Variants in BPTF observed in about 807,000 individuals in gnomAD.
The protein encoded by BPTF is nucleosome-remodeling factor subunit BPTF.
A neutral mutation model predicts 292.5 loss-of-function variants in BPTF; 18 were observed. The ratio of observed to expected loss-of-function variants is 0.06; its 90% CI spans 0.04 to 0.09. The LOEUF (loss-of-function observed/expected upper bound fraction) is 0.09, where lower values mean the gene tolerates loss of function less well. Ranked by LOEUF, BPTF falls within the 10% of genes least tolerant of loss-of-function variation. The probability of loss-of-function intolerance (pLI) is 1.00; values close to 1 mark genes in which losing one functional copy is unlikely to be tolerated. For synonymous variants in BPTF, 1,225 were observed against 1,251.9 expected, an observed-to-expected ratio of 0.98 and a Z score of 0.45; for missense variants, 2,726 against 3,498.7, an observed-to-expected ratio of 0.78 and a Z score of 5.57.
chr17:67,910,913 C>A lies in BPTF; in HGVS notation c.3029C>A (p.Pro1010His). Residue 1010 changes from proline to histidine, a missense_variant, in exon 11 of 28, where the codon CCC (proline) becomes CAC (histidine). Coordinates refer to ENST00000306378, the MANE Select transcript of BPTF (RefSeq NM_182641.4). ...CTCTTAGATTCTGACAGTGATAAAC[C>A]CTGCAAGGAAGAACCAATGGAAGTA... ...KELLDSDSDK[P>H]CKEEPMEVDD... 1.2e-6 allele frequency: 2 copies of A among 1,611,248 alleles called. No homozygotes were observed. Among genetic ancestry groups the A allele is most frequent in the African/African-American group, 1.3e-5 (1 of 74,822 alleles).
intron 23 of BPTF, among the ~76,000 whole-genome samples, chr17:67,949,723 C>T (rs764169411): frequency 7.3e-5 from 11 of 151,296 alleles, no homozygotes; most frequent in Admixed American, 5.9e-4. Context: ...ATATAATTTA[C>T]ACATAATTAC....
intron 4 of BPTF, among the ~76,000 whole-genome samples, chr17:67,879,022 ATGTCAGTCTTTAGTATCAGGAATATTT>A (rs201250221): frequency 1.6e-4 from 12 of 76,764 alleles, no homozygotes; most frequent in Non-Finnish European, 2.5e-4. Context: ...TTCTCTGATA[ATGTCAGTCTTTAGTATCAGGAATATTT>A]TGTCAGTCTT....
At chr17:67,942,948 C>T (rs1555672664) in intron 19 of BPTF, among the ~76,000 whole-genome samples, 1 of 152,136 alleles carries the variant, frequency 6.6e-6, no homozygotes, top group Non-Finnish European at 1.5e-5. Flanking sequence ...TACAGGGCTG[C>T]TGCATTGCCT....
chr17:67,842,914 C>T (rs1231860177), intron 1 of BPTF, among the ~76,000 whole-genome samples: 6 of 149,082 alleles, frequency 4.0e-5, no homozygotes, highest in Admixed American at 6.7e-5. Context: ...AAAAGAAGGT[C>T]TTTAGGCCAA....
Position 67,911,542 on chromosome 17 carries a change from C to T in BPTF, c.3658C>T (p.Leu1220=). 1 of 1,613,980 alleles carries T rather than the reference C, an allele frequency of 6.2e-7. No homozygotes were observed. The highest frequency in any genetic ancestry group is 8.5e-7 in the Non-Finnish European group (1 of 1,179,992). The part of the protein sequence containing the change: ...GNDFFIDDSK[L]ASADDIGTLI... Reference sequence around the variant, plus strand: ...TGATTTTTTCATCGATGACTCTAAACTAGCCAGTGCAGATGATATTGGTAC... The same window carrying T: ...TGATTTTTTCATCGATGACTCTAAATTAGCCAGTGCAGATGATATTGGTAC... Residue 1220 remains leucine (L), a synonymous_variant, in exon 11 of 28, where the codon CTA becomes TTA. Transcript: ENST00000306378.
At chr17:67,879,856 C>T (rs961822930) in intron 4 of BPTF, among the ~76,000 whole-genome samples, 20 of 152,200 alleles carry the variant, frequency 1.3e-4, no homozygotes, top group African/African-American at 4.3e-4. Flanking sequence ...ACACCCAACC[C>T]GAGAGCATTA....
intron 27 of BPTF, 145 bp downstream of exon 27, chr17:67,976,103 G>T: frequency 3.4e-6 from 2 of 590,864 alleles, no homozygotes; most frequent in African/African-American, 1.9e-5. Flanking sequence ...AAGACTCCAG[G>T]GTTATGATCT....
At position 67,948,007 on chromosome 17, in the gene BPTF, G is replaced by T. The variant is rs533935069; in HGVS notation, c.7701-74G>T. On this transcript the variant is annotated intron_variant, in intron 22 of 27. Coordinates refer to ENST00000306378, the MANE Select transcript of BPTF (RefSeq NM_182641.4). ...GAAAGTTTTTGTCTCATCTGTAGAG[G>T]CATAGAAGAATGATGTCTTAAGCCT... is the stretch of plus-strand genomic sequence containing the variant. 14 of 1,436,142 alleles carry T rather than the reference G, an allele frequency of 9.7e-6. No individual in the cohort carries two copies. In the East Asian group the frequency reaches 2.5e-4, roughly 26 times the overall value. 89.0% of individuals were successfully genotyped at this position (1,436,142 alleles called of 1,614,324 possible). A position where few individuals can be genotyped will look rare whatever the true frequency, so the allele number is the denominator to read the frequency against.
chr17:67,828,155 C>G (rs1254480962), intron 1 of BPTF, among the ~76,000 whole-genome samples: 2 of 152,206 alleles, frequency 1.3e-5, no homozygotes, highest in East Asian at 3.9e-4. Flanking sequence ...TGGTCTCGAA[C>G]TCTTGACCTC....
At chr17:67,857,120 C>G (rs2058735372) in intron 2 of BPTF, among the ~76,000 whole-genome samples, 1 of 143,506 alleles carries the variant, frequency 7.0e-6, no homozygotes, top group African/African-American at 2.5e-5. Flanking sequence ...GTCTCCCCTA[C>G]TTTATCCTTA....
chr17:67,825,939 G>C lies in BPTF; in HGVS notation c.215G>C (p.Ser72Thr). Reference sequence around the variant, plus strand: ...CTGAGCTCGCCCAGGGGGGGCAGCAGTAGCCGGAGGAAGCCGCCGCCGCCG... The same window carrying C: ...CTGAGCTCGCCCAGGGGGGGCAGCACTAGCCGGAGGAAGCCGCCGCCGCCG... ...TRLSSPRGGS[S>T]SRRKPPPPPP... Residue 72 changes from serine to threonine, a missense_variant, in exon 1 of 28, where the codon AGT becomes ACT. Around this residue, in one of 22 missense-constraint regions of BPTF, gnomAD observed 103 missense variants for 72.1 expected, o/e 1.43. Coordinates refer to ENST00000306378, the MANE Select transcript of BPTF (RefSeq NM_182641.4). 9.9e-7 allele frequency: 1 copy of C among 1,014,286 alleles called. No homozygotes were observed. The highest frequency in any genetic ancestry group is 4.5e-5 in the South Asian group (1 of 22,412). 62.8% of individuals were successfully genotyped at this position (1,014,286 alleles called of 1,614,324 possible). A position where few individuals can be genotyped will look rare whatever the true frequency, so the allele number is the denominator to read the frequency against.
intron 15 of BPTF, among the ~76,000 whole-genome samples, chr17:67,925,404 C>T (rs1179145093): frequency 1.3e-5 from 2 of 152,112 alleles, no homozygotes; most frequent in East Asian, 3.8e-4. Flanking sequence ...TGGCTCATGC[C>T]TGTAGTCCCA....
intron 24 of BPTF, among the ~76,000 whole-genome samples, chr17:67,961,867 G>A (rs1356556852): frequency 6.6e-6 from 1 of 152,060 alleles, no homozygotes. Flanking sequence ...CCAGCTACTC[G>A]GGAGGCCGAG....
chr17:67,867,312 T>A (rs779258634), intron 3 of BPTF, among the ~76,000 whole-genome samples: 8 of 152,272 alleles, frequency 5.3e-5, no homozygotes, highest in Non-Finnish European at 5.9e-5. Flanking sequence ...AGAAATAATA[T>A]TCTTTTTGAA....
rs782376638 is a variant in BPTF, at chr17:67,982,164, G to A, written c.8727-88G>A. Reference sequence around the variant, plus strand: ...TGAAAGAACATGGCTGCTTCTCCCAGACTGACTGACCTTGGCATCCGCATA... The same window carrying A: ...TGAAAGAACATGGCTGCTTCTCCCAAACTGACTGACCTTGGCATCCGCATA... On this transcript the variant is annotated intron_variant, in intron 27 of 27. Transcript: ENST00000306378. 39 of 1,210,702 alleles carry A rather than the reference G, an allele frequency of 3.2e-5. No homozygotes were observed. In the Admixed American group the frequency reaches 4.6e-4, roughly 14 times the overall value. 75.0% of individuals were successfully genotyped at this position (1,210,702 alleles called of 1,614,324 possible).
chr17:67,863,389 A>T (rs1421299113), intron 2 of BPTF, among the ~76,000 whole-genome samples: 2 of 152,054 alleles, frequency 1.3e-5, no homozygotes, highest in Non-Finnish European at 2.9e-5. Flanking sequence ...GGTTCAAGTG[A>T]TTCTCCTGCC....
intron 17 of BPTF, among the ~76,000 whole-genome samples, chr17:67,931,125 T>C (rs1236397858): frequency 6.6e-6 from 1 of 151,850 alleles, no homozygotes; most frequent in Non-Finnish European, 1.5e-5. Context: ...ATTAGCTGGG[T>C]GTGGTGGCAC....
At chr17:67,942,042 G>A (rs1555672156) in intron 19 of BPTF, among the ~76,000 whole-genome samples, 1 of 152,246 alleles carries the variant, frequency 6.6e-6, no homozygotes, top group Non-Finnish European at 1.5e-5. Context: ...GCTCACACCT[G>A]TAATCCCAGC....
chr17:67,872,592 G>T (rs188238107), intron 3 of BPTF, among the ~76,000 whole-genome samples: 22 of 152,050 alleles, frequency 1.4e-4, no homozygotes, highest in African/African-American at 5.3e-4. Context: ...TATAGTCTCA[G>T]CTACTTGGGA....
Sources: allele counts gnomAD v4.1 joint callset (sites outside exome capture counted in the v4.1 genomes callset), GRCh38; gene constraint gnomAD v4.1.1; regional missense constraint gnomAD v4.1.1; transcripts MANE v1.5; gene names NCBI Gene and HGNC (gene_info 2026-07-23, HGNC 2026-07-21).